GRID1: variants seen among roughly 807,000 people sequenced by gnomAD.
The protein encoded by GRID1 is glutamate receptor ionotropic, delta-1.
In GRID1, 28 loss-of-function variants were observed where a neutral mutation model predicts 98.0. The observed-to-expected ratio is 0.29, with a 90% confidence interval of 0.21 to 0.39. The LOEUF (loss-of-function observed/expected upper bound fraction) is 0.39, where lower values mean the gene tolerates loss of function less well. Among genes scored for constraint, GRID1 ranks in the 10% least tolerant of loss-of-function variants. The pLI is 1.00. For missense variants in GRID1, 1,111 were observed against 1,340.5 expected (o/e 0.83, Z 2.67); for synonymous variants, 553 against 538.5 (o/e 1.03, Z -0.37).
intron 4 of GRID1, among the ~76,000 whole-genome samples, chr10:86,039,968 C>T (rs1337332348): frequency 1.3e-5 from 2 of 152,132 alleles, no homozygotes; most frequent in African/African-American, 4.8e-5. Context: ...TCACTCTCCC[C>T]CTGTGGATCA....
intron 12 of GRID1, among the ~76,000 whole-genome samples, chr10:85,670,061 T>C (rs894889356): frequency 2.0e-5 from 3 of 152,252 alleles, no homozygotes; most frequent in Non-Finnish European, 4.4e-5. Flanking sequence ...GACTTTTTTA[T>C]TCAGAAATAC....
At chr10:86,139,933 G>T (rs1393775886) in intron 3 of GRID1, among the ~76,000 whole-genome samples, 1 of 152,234 alleles carries the variant, frequency 6.6e-6, no homozygotes, top group Admixed American at 6.5e-5. Context: ...CAGCAGCCTT[G>T]TAGAAGCCAT....
intron 8 of GRID1, among the ~76,000 whole-genome samples, chr10:85,752,470 T>C (rs1325506550): frequency 6.6e-6 from 1 of 152,168 alleles, no homozygotes; most frequent in Non-Finnish European, 1.5e-5. Flanking sequence ...TATTACAAAA[T>C]AGATATAAAA....
At chr10:86,151,403 C>G (rs934206354) in intron 3 of GRID1, among the ~76,000 whole-genome samples, 1 of 151,910 alleles carries the variant, frequency 6.6e-6, no homozygotes, top group African/African-American at 2.4e-5. Flanking sequence ...GGGCTCTGCT[C>G]TCTGTGCACC....
intron 4 of GRID1, among the ~76,000 whole-genome samples, chr10:86,109,792 G>A (rs1453549342): frequency 6.6e-6 from 1 of 152,096 alleles, no homozygotes; most frequent in Non-Finnish European, 1.5e-5. Context: ...ATGAGACCAT[G>A]GGCTTTCAAG....
Position 86,206,548 on chromosome 10 carries a change from T to A in GRID1, c.336A>T (p.Pro112=). Residue 112 remains proline (P), a synonymous_variant, in exon 3 of 16, where the codon CCA becomes CCT. Transcript: ENST00000327946. The surrounding 1 kb of genome is among the most constrained non-coding windows in gnomAD (Gnocchi z 4.1). ...CCGGGTTGCGCTGGACAAAGAGGTG[T>A]GGGATGTGCATGGCATCCGTGAGGG... ...LQSLTDAMHI[P]HLFVQRNPGG... 6.2e-7 allele frequency: 1 copy of A among 1,614,156 alleles called. No homozygotes were observed.
chr10:85,751,950 C>A (rs1408691873), intron 8 of GRID1, among the ~76,000 whole-genome samples: 2 of 152,144 alleles, frequency 1.3e-5, no homozygotes, highest in Non-Finnish European at 1.5e-5. Context: ...CAATGACTAG[C>A]TGAAAGTAAC....
At chr10:85,693,203 G>A (rs931748887) in intron 12 of GRID1, among the ~76,000 whole-genome samples, 2 of 152,166 alleles carry the variant, frequency 1.3e-5, no homozygotes, top group South Asian at 2.1e-4. Flanking sequence ...GATTTAGGGG[G>A]TAGAATGGAT....
Position 85,924,107 on chromosome 10 carries a change from GA to G in GRID1, c.727-7869del, listed in dbSNP as rs144474035. Among the ~76,000 whole-genome samples the G allele has an allele frequency of 8.8e-3, 1,333 of 152,324 alleles. 21 individuals are homozygous for G. Among genetic ancestry groups the G allele is most frequent in the African/African-American group, 0.031 (1,279 of 41,558 alleles). On this transcript the variant is annotated intron_variant, in intron 4 of 15. Coordinates refer to ENST00000327946, the MANE Select transcript of GRID1 (RefSeq NM_017551.3). ...CAGTGAACTTCAAAATGTGCCTACA[GA>G]ATGAATGAATGGGTGATTCACATTT...
chr10:85,870,150 A>G (rs1485680500), intron 5 of GRID1, among the ~76,000 whole-genome samples: 1 of 152,250 alleles, frequency 6.6e-6, no homozygotes, highest in Non-Finnish European at 1.5e-5. Context: ...CTCAGTGGGC[A>G]ACATCTAATC....
chr10:86,155,882 G>A (rs1418099119), intron 3 of GRID1, among the ~76,000 whole-genome samples: 2 of 152,164 alleles, frequency 1.3e-5, no homozygotes, highest in Non-Finnish European at 2.9e-5. Context: ...TGAGGAGGAT[G>A]GGAAGGCAGG....
At chr10:86,178,433 C>T (rs1422172473) in intron 3 of GRID1, among the ~76,000 whole-genome samples, 1 of 152,140 alleles carries the variant, frequency 6.6e-6, no homozygotes, top group South Asian at 2.1e-4. Context: ...TCTCCAGAGG[C>T]AACCTGGCCT....
At chr10:86,127,514 A>G (rs1844771895) in intron 4 of GRID1, among the ~76,000 whole-genome samples, 1 of 152,120 alleles carries the variant, frequency 6.6e-6, no homozygotes, top group African/African-American at 2.4e-5. Flanking sequence ...AAAAGATCCG[A>G]AAGTGCCTAG....
chr10:86,278,035 T>A (rs563602071), intron 2 of GRID1, among the ~76,000 whole-genome samples: 3 of 144,730 alleles, frequency 2.1e-5, no homozygotes, highest in Admixed American at 1.4e-4. Flanking sequence ...AAACTATAAA[T>A]AGTAAAGTTG....
chr10:85,676,552 G>C (rs771190210), intron 12 of GRID1, among the ~76,000 whole-genome samples: 1 of 152,134 alleles, frequency 6.6e-6, no homozygotes, highest in South Asian at 2.1e-4. Context: ...CTGTTTGTAG[G>C]AATCCCAACT....
At chr10:85,632,280 C>T (rs2132536095) in intron 13 of GRID1, among the ~76,000 whole-genome samples, 1 of 152,222 alleles carries the variant, frequency 6.6e-6, no homozygotes, top group South Asian at 2.1e-4. Flanking sequence ...AATGGGCACC[C>T]TTGGCCTCAG....
intron 4 of GRID1, among the ~76,000 whole-genome samples, chr10:86,097,716 G>A (rs1844241535): frequency 6.6e-6 from 1 of 152,144 alleles, no homozygotes; most frequent in Non-Finnish European, 1.5e-5. Flanking sequence ...ATAACTATAT[G>A]ACACCATGTA....
At chr10:86,105,651 C>A (rs943370628) in intron 4 of GRID1, among the ~76,000 whole-genome samples, 5 of 152,348 alleles carry the variant, frequency 3.3e-5, no homozygotes, top group African/African-American at 9.6e-5. Flanking sequence ...AGCACTGAAG[C>A]CTCTTCTGTG....
intron 12 of GRID1, among the ~76,000 whole-genome samples, chr10:85,683,293 T>C (rs1181325950): frequency 3.9e-5 from 6 of 152,192 alleles, no homozygotes; most frequent in Non-Finnish European, 8.8e-5. Flanking sequence ...TGTGTGAGTG[T>C]CAAAGTGAAT....
Sources: gnomAD v4.1 joint callset for allele counts (sites outside exome capture counted in the v4.1 genomes callset) on GRCh38, gnomAD v4.1.1 for gene constraint, Gnocchi (gnomAD v3.1) non-coding constraint, MANE v1.5 for transcripts, NCBI Gene and HGNC (gene_info 2026-07-23, HGNC 2026-07-21) for gene names.